The following ACOX1 variants were observed in gnomAD, a reference collection of about 807,000 sequenced individuals.
ACOX1 encodes the protein peroxisomal acyl-coenzyme A oxidase 1.
ACOX1 carries 41 observed loss-of-function variants against 75.5 expected under a neutral mutation model. That is an observed-to-expected ratio of 0.54 (90% CI 0.42 to 0.70). The LOEUF (loss-of-function observed/expected upper bound fraction) is 0.70, where lower values mean the gene tolerates loss of function less well. ACOX1 is among the 30% of genes least tolerant of loss of function. The pLI is 0.00. For missense variants in ACOX1, 630 were observed against 837.5 expected, an observed-to-expected ratio of 0.75 and a Z score of 3.06; for synonymous variants, 303 against 298.8, an observed-to-expected ratio of 1.01 and a Z score of -0.15.
In ACOX1 at chr17:75,978,844, G is replaced by C. The variant is rs547260824; in HGVS notation, c.109+121C>G. ...GGACACAGGCTGTTCCTCGAAGTGG[G>C]GGTCCCGGCTCCCCTAACGCTGGGC... On this transcript the variant is annotated intron_variant, in intron 1 of 13. Coordinates refer to ENST00000293217, the MANE Select transcript of ACOX1 (RefSeq NM_004035.7). This position sits in a 1 kb window ranked among gnomAD's most constrained non-coding sequence, Gnocchi z 4.2. 6.3e-7 allele frequency: 1 copy of C among 1,597,464 alleles called. No homozygotes were observed. The highest frequency in any genetic ancestry group is 1.3e-5 in the African/African-American group (1 of 74,842).
intron 2 of ACOX1, among the ~76,000 whole-genome samples, chr17:75,976,289 A>T (rs898104339): frequency 6.6e-6 from 1 of 152,188 alleles, no homozygotes; most frequent in Non-Finnish European, 1.5e-5. Flanking sequence ...TTTAACCCGC[A>T]TAAAAGACTT....
Position 75,949,293 on chromosome 17 carries a change from A to G in ACOX1, c.1652T>C (p.Ile551Thr), listed in dbSNP as rs1336027183. 5 of 1,614,058 alleles carry G rather than the reference A, an allele frequency of 3.1e-6. No homozygotes were observed. Among genetic ancestry groups the G allele is most frequent in the East Asian group, 4.5e-5 (2 of 44,904 alleles). Reference protein sequence around the residue: ...EKLLKIQDKAIQAVLRSLCLL... With the variant: ...EKLLKIQDKATQAVLRSLCLL... ...ACATAAACTCCTTAAGACAGCTTGA[A>G]TGGCTTTATCTTGAATTTTGAGGAG... The change falls in exon 12 of 14, where the codon ATT becomes ACT. Residue 551 changes from isoleucine (I) to threonine (T), a missense_variant. Transcript: ENST00000293217.
chr17:75,974,982 G>A (rs1251155315), intron 2 of ACOX1, among the ~76,000 whole-genome samples: 1 of 147,488 alleles, frequency 6.8e-6, no homozygotes, highest in Non-Finnish European at 1.5e-5. Context: ...CCCGGGAGGC[G>A]GAGCTTGTAG....
At position 75,942,429 on chromosome 17, in the gene ACOX1, C is replaced by CAAAAAAA. The variant is rs35173085; in HGVS notation, c.*4312_*4318dup. 8 of 66,612 alleles carry CAAAAAAA rather than the reference C, an allele frequency of 1.2e-4. No homozygotes were observed. Among genetic ancestry groups the CAAAAAAA allele is most frequent in the African/African-American group, 3.3e-4 (6 of 18,054 alleles). 4.1% of individuals were successfully genotyped at this position (66,612 alleles called of 1,614,324 possible). A position where few individuals can be genotyped will look rare whatever the true frequency, so the allele number is the denominator to read the frequency against. On this transcript the variant is annotated 3_prime_UTR_variant, in exon 14 of 14. Coordinates refer to ENST00000293217, the MANE Select transcript of ACOX1 (RefSeq NM_004035.7). ...TGGGTGAAAGAGCAAGACAACGTCT[C>CAAAAAAA]AAAAAAAAAAAAAAAAAAAAAAGCA...
At chr17:75,957,940 G>A in intron 3 of ACOX1, among the ~76,000 whole-genome samples, 1 of 152,188 alleles carries the variant, frequency 6.6e-6, no homozygotes, top group Non-Finnish European at 1.5e-5. Context: ...TTGCAAGTAT[G>A]CCAATTTCAA....
intron 3 of ACOX1, among the ~76,000 whole-genome samples, chr17:75,958,441 G>C (rs1479059682): frequency 6.8e-6 from 1 of 147,942 alleles, no homozygotes; most frequent in Admixed American, 6.6e-5. Flanking sequence ...GGCCGAGGTG[G>C]GGGGATCACG....
In ACOX1 at chr17:75,978,735, C is replaced by A. The variant is rs774694032; in HGVS notation, c.110-42G>T. 6.2e-7 allele frequency: 1 copy of A among 1,612,358 alleles called. No individual in the cohort carries two copies. The highest frequency in any genetic ancestry group is 1.1e-5 in the South Asian group (1 of 90,970). ...GGGCATTAAAAGGCAGACAGACACT[C>A]GGGCCTCCGTTCCACCCTCCCTGAA... On this transcript the variant is annotated intron_variant, in intron 1 of 13. Coordinates refer to ENST00000293217, the MANE Select transcript of ACOX1 (RefSeq NM_004035.7). This position sits in a 1 kb window ranked among gnomAD's most constrained non-coding sequence, Gnocchi z 4.2.
intron 2 of ACOX1, among the ~76,000 whole-genome samples, chr17:75,974,277 GA>G (rs2066024012): frequency 6.6e-6 from 1 of 151,996 alleles, no homozygotes; most frequent in African/African-American, 2.4e-5. Context: ...TGTTTCCCTA[GA>G]TAATATAAGC....
chr17:75,976,322 A>C (rs1308393794), intron 2 of ACOX1, among the ~76,000 whole-genome samples: 2 of 152,078 alleles, frequency 1.3e-5, no homozygotes, highest in African/African-American at 4.8e-5. Context: ...TTGTGACCTC[A>C]CTCGAGTCTG....
chr17:75,946,068 C>T lies in ACOX1; in HGVS notation c.*680G>A, dbSNP rs1304233080. 6.5e-6 allele frequency: 1 copy of T among 154,408 alleles called. No homozygotes were observed. Among genetic ancestry groups the T allele is most frequent in the African/African-American group, 2.4e-5 (1 of 41,438 alleles). 9.6% of individuals were successfully genotyped at this position (154,408 alleles called of 1,614,324 possible). A position where few individuals can be genotyped will look rare whatever the true frequency, so the allele number is the denominator to read the frequency against. On this transcript the variant is annotated 3_prime_UTR_variant, in exon 14 of 14. Transcript: ENST00000293217. ...ACTTCCTACTACTGTGACAATTTAG[C>T]AATCCTTCAAATGGAAAATTCCTAA...
At position 75,958,539 on chromosome 17, in the gene ACOX1, T is replaced by C. The variant is rs149653057; in HGVS notation, c.431-973A>G. ...ACAAAAAAATTAAAGCTGGGCACGGTGGCTCACGCCTGTAATCCCAGCACT... is the reference window on the plus strand; with the variant it reads ...ACAAAAAAATTAAAGCTGGGCACGGCGGCTCACGCCTGTAATCCCAGCACT... On this transcript the variant is annotated intron_variant, in intron 3 of 13. Coordinates refer to ENST00000293217, the MANE Select transcript of ACOX1 (RefSeq NM_004035.7). Among the ~76,000 whole-genome samples the C allele has an allele frequency of 7.5e-5, 11 of 147,612 alleles. 1 individual carries two copies. Among genetic ancestry groups the C allele is most frequent in the African/African-American group, 2.2e-4 (9 of 40,196 alleles).
chr17:75,974,994 G>C (rs1465564799), intron 2 of ACOX1, among the ~76,000 whole-genome samples: 1 of 136,386 alleles, frequency 7.3e-6, no homozygotes, highest in Admixed American at 7.8e-5. Context: ...AGCTTGTAGT[G>C]AGCCGAGATC....
At chr17:75,971,245 C>A (rs375124359) in intron 2 of ACOX1, among the ~76,000 whole-genome samples, 1 of 150,486 alleles carries the variant, frequency 6.6e-6, no homozygotes, top group Non-Finnish European at 1.5e-5. Context: ...GAGCCGAGAT[C>A]GCGCCATTGC....
At chr17:75,961,759 CA>C (rs61575984) in intron 2 of ACOX1, among the ~76,000 whole-genome samples, 3,243 of 53,080 alleles carry the variant, frequency 0.061, 60 homozygotes, top group African/African-American at 0.16. Flanking sequence ...GACTCTGTCT[CA>C]AAAAAAAAAA....
At chr17:75,961,396 G>A (rs191177236) in intron 2 of ACOX1, among the ~76,000 whole-genome samples, 5 of 146,570 alleles carry the variant, frequency 3.4e-5, no homozygotes, top group African/African-American at 1.3e-4. Flanking sequence ...GACGCAGGCG[G>A]ATCACTTGAG....
intron 6 of ACOX1, among the ~76,000 whole-genome samples, chr17:75,955,076 G>T (rs1455781195): frequency 6.6e-6 from 1 of 151,842 alleles, no homozygotes; most frequent in Admixed American, 6.6e-5. Context: ...CACCATGTTG[G>T]CCAGGATGGT....
chr17:75,953,750 T>A, intron 6 of ACOX1, 130 bp from the exon 7 acceptor site: 1 of 1,084,238 alleles, frequency 9.2e-7, no homozygotes. Flanking sequence ...TACTACATCT[T>A]AGTCCCCACC....
At position 75,950,785 on chromosome 17, in the gene ACOX1, G is replaced by T. The variant is rs141015974; in HGVS notation, c.1287C>A (p.Leu429=). 5.6e-5 allele frequency: 90 copies of T among 1,614,044 alleles called. No homozygotes were observed. In the African/African-American group the frequency reaches 1.1e-3, roughly 20 times the overall value. The change falls in exon 9 of 14, where the codon CTC becomes CTA. Residue 429 remains leucine (L), a synonymous_variant. Transcript: ENST00000293217. The surrounding 1 kb of genome is among the most constrained non-coding windows in gnomAD (Gnocchi z 4.3). ...GATTTGACTCTCACCTAGCCGTCTG[G>T]AGCATCATGACAGTGTTTTCTCCCT... ...TFEGENTVMM[L]QTARFLMKSY...
chr17:75,949,651 C>T, intron 10 of ACOX1, 51 bp from the exon 11 acceptor site: 2 of 1,612,882 alleles, frequency 1.2e-6, no homozygotes, highest in Non-Finnish European at 1.7e-6. Context: ...AGTACTCATG[C>T]CTTCTTGCCA....
Sources: allele counts gnomAD v4.1 joint callset (sites outside exome capture counted in the v4.1 genomes callset), GRCh38; gene constraint gnomAD v4.1.1; non-coding constraint Gnocchi (gnomAD v3.1); transcripts MANE v1.5; gene names NCBI Gene and HGNC (gene_info 2026-07-23, HGNC 2026-07-21).